Variants in ITGA1 observed in about 807,000 individuals in gnomAD.
ITGA1 encodes the protein integrin alpha-1.
Under a neutral mutation model 145.9 loss-of-function variants are expected in ITGA1, and 85 were observed. The observed-to-expected ratio is 0.58, with a 90% CI of 0.49 to 0.70. The LOEUF (loss-of-function observed/expected upper bound fraction) is 0.70. Ranked by LOEUF, ITGA1 falls within the 30% of genes least tolerant of loss-of-function variation. The pLI is 0.00. For missense variants in ITGA1, 1,351 were observed against 1,418.7 expected (o/e 0.95, Z 0.77); for synonymous variants, 520 against 495.3 (o/e 1.05, Z -0.66).
intron 24 of ITGA1, among the ~76,000 whole-genome samples, chr5:52,937,755 A>C (rs1293290559): frequency 2.0e-5 from 3 of 152,242 alleles, no homozygotes; most frequent in Non-Finnish European, 4.4e-5. Flanking sequence ...TCTGGAGTCC[A>C]GAAGTCCAAA....
In ITGA1 at chr5:52,795,914, C is replaced by A. The variant is rs796196508; in HGVS notation, c.61+7500C>A. 4.9e-4 allele frequency among the ~76,000 whole-genome samples: 74 copies of A among 151,998 alleles called. 1 individual carries two copies. The highest frequency in any genetic ancestry group is 1.7e-3 in the African/African-American group (72 of 41,542). ...TTGGTAGAATCCATCCAGGAAAGAC[C>A]ATATTTGAGGTCTGCCAATTCTTGG... On this transcript the variant is annotated intron_variant, in intron 1 of 28. Transcript: ENST00000282588.
chr5:52,922,146 C>CA (rs1448389978), intron 17 of ITGA1, among the ~76,000 whole-genome samples: 1 of 151,794 alleles, frequency 6.6e-6, no homozygotes, highest in Admixed American at 6.6e-5. Context: ...ACTAAAAACA[C>CA]AAAAATTAGC....
At chr5:52,912,671 A>T (rs996127805) in intron 14 of ITGA1, among the ~76,000 whole-genome samples, 2 of 145,672 alleles carry the variant, frequency 1.4e-5, no homozygotes, top group Admixed American at 1.4e-4. Flanking sequence ...TGTATCTATA[A>T]ACTATATATA....
intron 1 of ITGA1, chr5:52,800,089 C>A: frequency 2.8e-6 from 1 of 361,658 alleles, no homozygotes; most frequent in Non-Finnish European, 5.1e-6. Flanking sequence ...GCTGCGCATG[C>A]GCCTTCATTT....
chr5:52,912,289 A>C (rs143110373), intron 14 of ITGA1, among the ~76,000 whole-genome samples: 9 of 145,076 alleles, frequency 6.2e-5, no homozygotes, highest in Non-Finnish European at 1.4e-4. Context: ...TATATATATT[A>C]TCTATATACT....
At chr5:52,808,683 T>TTC (rs1275047399) in intron 1 of ITGA1, among the ~76,000 whole-genome samples, 1 of 143,722 alleles carries the variant, frequency 7.0e-6, no homozygotes. Flanking sequence ...TTTCTTTTTT[T>TTC]TTTTTTTTTT....
At chr5:52,918,307 A>G (rs1348014677) in intron 15 of ITGA1, among the ~76,000 whole-genome samples, 2 of 152,206 alleles carry the variant, frequency 1.3e-5, no homozygotes, top group Non-Finnish European at 2.9e-5. Flanking sequence ...CTAGAAATAG[A>G]GGAAGAGCTG....
At chr5:52,897,870 T>A (rs1157495197) in intron 10 of ITGA1, among the ~76,000 whole-genome samples, 2 of 152,138 alleles carry the variant, frequency 1.3e-5, no homozygotes, top group African/African-American at 2.4e-5. Flanking sequence ...TTCAAGGGTC[T>A]TATTAGAATT....
rs1751319788 is a variant in ITGA1, at chr5:52,957,361, T to C, written c.*4910T>C. On this transcript the variant is annotated 3_prime_UTR_variant, in exon 29 of 29. Coordinates refer to ENST00000282588, the MANE Select transcript of ITGA1 (RefSeq NM_181501.2). ...CTTACATCAGGCACCCGGGAATGCTTCTCATTGAAATTTTACCATACCAAA... is the reference window on the plus strand; with the variant it reads ...CTTACATCAGGCACCCGGGAATGCTCCTCATTGAAATTTTACCATACCAAA... 6.6e-6 allele frequency: 1 copy of C among 152,108 alleles called. No individual in the cohort carries two copies. Among genetic ancestry groups the C allele is most frequent in the Admixed American group, 6.5e-5 (1 of 15,268 alleles). The allele number at this position is 152,108 out of a possible 1,614,324, so 9.4% of individuals were successfully genotyped here. A position where few individuals can be genotyped will look rare whatever the true frequency, so the allele number is the denominator to read the frequency against.
chr5:52,849,896 C>G (rs1749402125), intron 2 of ITGA1, among the ~76,000 whole-genome samples: 1 of 151,972 alleles, frequency 6.6e-6, no homozygotes, highest in South Asian at 2.1e-4. Flanking sequence ...TGAGTTTGGT[C>G]TTTACTGATC....
intron 1 of ITGA1, among the ~76,000 whole-genome samples, chr5:52,840,797 C>T (rs1438662832): frequency 6.6e-6 from 1 of 152,244 alleles, no homozygotes; most frequent in East Asian, 1.9e-4. Context: ...TTCTTACAGC[C>T]AGAATGACCT....
intron 28 of ITGA1, among the ~76,000 whole-genome samples, chr5:52,949,686 T>C (rs1172314035): frequency 6.6e-6 from 1 of 152,142 alleles, no homozygotes; most frequent in Non-Finnish European, 1.5e-5. Context: ...AAACACATAA[T>C]ACTGTCTTTG....
chr5:52,885,029 A>G (rs1213972672), intron 7 of ITGA1, among the ~76,000 whole-genome samples: 1 of 152,142 alleles, frequency 6.6e-6, no homozygotes, highest in Middle Eastern at 3.2e-3. Context: ...GGATCACAGA[A>G]CTCAGTAAAG....
At chr5:52,920,916 C>T (rs1271076949) in intron 17 of ITGA1, among the ~76,000 whole-genome samples, 1 of 151,860 alleles carries the variant, frequency 6.6e-6, no homozygotes, top group African/African-American at 2.4e-5. Flanking sequence ...ACATATCTCG[C>T]CGTTTGATTT....
intron 8 of ITGA1, among the ~76,000 whole-genome samples, chr5:52,892,165 G>C (rs1408910042): frequency 6.6e-6 from 1 of 152,064 alleles, no homozygotes; most frequent in Non-Finnish European, 1.5e-5. Flanking sequence ...TTCTTTTAAT[G>C]GGAAAAAGAT....
At chr5:52,813,172 G>A (rs1397180080) in intron 1 of ITGA1, among the ~76,000 whole-genome samples, 1 of 152,072 alleles carries the variant, frequency 6.6e-6, no homozygotes. Flanking sequence ...AGAATGCTGG[G>A]AGGTCCTGAC....
intron 15 of ITGA1, among the ~76,000 whole-genome samples, 183 bp downstream of exon 15, chr5:52,915,777 A>G (rs1750637945): frequency 6.6e-6 from 1 of 152,210 alleles, no homozygotes. Context: ...AGCTATATGA[A>G]AGAAACAAGT....
chr5:52,910,392 CA>C lies in ITGA1; in HGVS notation c.1832del (p.Lys611ArgfsTer3). The C allele has an allele frequency of 6.2e-7, 1 of 1,613,570 alleles. No homozygotes were observed. Among genetic ancestry groups the C allele is most frequent in the Non-Finnish European group, 8.5e-7 (1 of 1,179,708 alleles). ...GAVYIYHGSG[K>X]TIRKEYAQRI... ...CTGTGTACATTTATCATGGAAGTGG[CA>C]AGACTATAAGGAAAGAGTATGCACA... On this transcript the variant is annotated frameshift_variant, in exon 14 of 29. Transcript: ENST00000282588. LOFTEE classifies it high-confidence loss of function.
chr5:52,828,329 G>GT lies in ITGA1; in HGVS notation c.62-21028dup, dbSNP rs200806575. On this transcript the variant is annotated intron_variant, in intron 1 of 28. Coordinates refer to ENST00000282588, the MANE Select transcript of ITGA1 (RefSeq NM_181501.2). ...GTCAATCCTTATTTTCTGTTTTTGT[G>GT]TTTTTTTTATTATGGCCATTCTACT... Among the ~76,000 whole-genome samples, 50 of 151,896 alleles carry GT rather than the reference G, an allele frequency of 3.3e-4. No individual in the cohort carries two copies. The East Asian group carries it at 4.6e-3, about 14-fold the overall frequency.
Sources: allele counts gnomAD v4.1 joint callset (sites outside exome capture counted in the v4.1 genomes callset), GRCh38; gene constraint gnomAD v4.1.1; transcripts MANE v1.5; gene names NCBI Gene and HGNC (gene_info 2026-07-23, HGNC 2026-07-21).